Variants in CAPRIN2 observed in about 807,000 individuals in gnomAD.
The protein encoded by CAPRIN2 is caprin family member 2, also known as caprin-2.
CAPRIN2 carries 66 observed loss-of-function variants against 130.4 expected under a neutral mutation model. That is an observed-to-expected ratio of 0.51 (90% CI 0.42 to 0.62). The LOEUF (loss-of-function observed/expected upper bound fraction) is 0.62. Ranked by LOEUF, CAPRIN2 falls within the 20% of genes least tolerant of loss-of-function variation. The pLI, the probability that CAPRIN2 is intolerant of heterozygous loss-of-function variation, is 0.00. For missense variants in CAPRIN2, 1,185 were observed against 1,246.6 expected, an observed-to-expected ratio of 0.95 and a Z score of 0.74; for synonymous variants, 471 against 444.1, an observed-to-expected ratio of 1.06 and a Z score of -0.76.
In CAPRIN2 at chr12:30,731,514, A is replaced by C; in HGVS notation, c.893-4T>G. On this transcript the variant is annotated splice_region_variant and splice_polypyrimidine_tract_variant and intron_variant, in intron 5 of 16. Transcript: ENST00000298892. The stretch of plus-strand genomic sequence containing the variant: ...AGTAGATCCTTCAAGTGTTTGTCTA[A>C]GAAAGAGTGATTAAGACTTAATTGT... 2 of 1,609,106 alleles carry C rather than the reference A, an allele frequency of 1.2e-6. No homozygotes were observed. Among genetic ancestry groups the C allele is most frequent in the Non-Finnish European group, 1.7e-6 (2 of 1,177,474 alleles).
chr12:30,746,148 T>C (rs950652386), intron 2 of CAPRIN2, among the ~76,000 whole-genome samples: 2 of 152,104 alleles, frequency 1.3e-5, no homozygotes, highest in African/African-American at 2.4e-5. Flanking sequence ...AACAAAAGAA[T>C]TGGTGAATGA....
chr12:30,719,596 G>T, intron 12 of CAPRIN2: 3 of 160,650 alleles, frequency 1.9e-5, no homozygotes, highest in Non-Finnish European at 2.7e-5. Context: ...TGGATTAGTT[G>T]TTTAGTGTTA....
rs749130322 is a variant in CAPRIN2, at chr12:30,731,328, G to C, written c.1060+15C>G. On this transcript the variant is annotated intron_variant, in intron 6 of 16. Transcript: ENST00000298892. ...AATGCAACCACTATAAGGATTTTCAGAGGTCACAACAAACCTGACTCTTTG... is the reference window on the plus strand; with the variant it reads ...AATGCAACCACTATAAGGATTTTCACAGGTCACAACAAACCTGACTCTTTG... 57 of 1,606,214 alleles carry C rather than the reference G, an allele frequency of 3.5e-5. No homozygotes were observed. The highest frequency in any genetic ancestry group is 1.0e-4 in the Admixed American group (6 of 59,322).
intron 6 of CAPRIN2, 97 bp from the exon 8 acceptor site, chr12:30,730,379 ACTCGT>A: frequency 9.3e-6 from 8 of 858,398 alleles, no homozygotes; most frequent in Admixed American, 6.0e-5. Context: ...ATTTCAGAAG[ACTCGT>A]AACAGAAAAA....
intron 11 of CAPRIN2, among the ~76,000 whole-genome samples, chr12:30,721,165 A>G (rs781415800): frequency 1.3e-4 from 20 of 152,202 alleles, no homozygotes; most frequent in Non-Finnish European, 2.5e-4. Context: ...TCATACTACA[A>G]TTAAGTGGCA....
At position 30,716,502 on chromosome 12, in the gene CAPRIN2, T is replaced by C. The variant is rs752219767; in HGVS notation, c.2317+6A>G. On this transcript the variant is annotated splice_donor_region_variant and intron_variant, in intron 13 of 16. Transcript: ENST00000298892. Reference sequence around the variant, plus strand: ...GTCTTCCAAATATCATATGCAAAGATCTTACCAGTCTCTTGAGAATGGACA... The same window carrying C: ...GTCTTCCAAATATCATATGCAAAGACCTTACCAGTCTCTTGAGAATGGACA... The C allele has an allele frequency of 3.1e-6, 5 of 1,612,694 alleles. No individual in the cohort carries two copies. The highest frequency in any genetic ancestry group is 4.2e-6 in the Non-Finnish European group (5 of 1,178,884).
intron 3 of CAPRIN2, among the ~76,000 whole-genome samples, chr12:30,736,994 A>C (rs2065129027): frequency 6.6e-6 from 1 of 152,002 alleles, no homozygotes. Flanking sequence ...TCCCCTATCA[A>C]AGTATTTTTG....
intron 2 of CAPRIN2, 143 bp downstream of exon 3, chr12:30,750,928 A>G: frequency 1.5e-6 from 1 of 665,574 alleles, no homozygotes; most frequent in Non-Finnish European, 2.6e-6. Flanking sequence ...CACAAACAAC[A>G]AAGTCTTCTG....
chr12:30,723,071 T>C (rs2059870856), intron 11 of CAPRIN2, among the ~76,000 whole-genome samples, 188 bp downstream of exon 12: 2 of 152,232 alleles, frequency 1.3e-5, no homozygotes, highest in African/African-American at 4.8e-5. Context: ...CTGTACTATA[T>C]GTTTTCAGCA....
At chr12:30,726,903 T>G (rs1737748245) in intron 8 of CAPRIN2, among the ~76,000 whole-genome samples, 1 of 152,154 alleles carries the variant, frequency 6.6e-6, no homozygotes, top group Non-Finnish European at 1.5e-5. Context: ...TAGTCAATAT[T>G]CTAGACAGCT....
chr12:30,734,002 AGT>A (rs1422195957), intron 4 of CAPRIN2, among the ~76,000 whole-genome samples: 1 of 152,250 alleles, frequency 6.6e-6, no homozygotes, highest in East Asian at 1.9e-4. Flanking sequence ...CAGTATCATT[AGT>A]TCAGGTGTAT....
Position 30,724,457 on chromosome 12 carries a change from G to T in CAPRIN2, c.1906-6C>A, listed in dbSNP as rs7299800. On this transcript the variant is annotated splice_region_variant and splice_polypyrimidine_tract_variant and intron_variant, in intron 9 of 16. Transcript: ENST00000298892. The stretch of plus-strand genomic sequence containing the variant: ...TCAAAGTCAAGAACAGACTCCTAAA[G>T]ATATGATTTTAAATAAAGAGTGGAA... 0.31 allele frequency: 491,822 copies of T among 1,576,202 alleles called. 78,985 individuals are homozygous for T. Among genetic ancestry groups the T allele is most frequent in the Middle Eastern group, 0.35 (2,112 of 5,972 alleles).
intron 12 of CAPRIN2, among the ~76,000 whole-genome samples, chr12:30,716,970 A>G (rs1185296369): frequency 1.3e-5 from 2 of 152,186 alleles, no homozygotes; most frequent in Non-Finnish European, 2.9e-5. Context: ...AGGAACTGGA[A>G]CCCTCATGCA....
chr12:30,724,939 A>C (rs2060470285), intron 9 of CAPRIN2, among the ~76,000 whole-genome samples: 1 of 152,184 alleles, frequency 6.6e-6, no homozygotes, highest in South Asian at 2.1e-4. Context: ...GGCTGCAGTG[A>C]GCTTTGACCA....
chr12:30,746,760 C>G (rs2070685475), intron 2 of CAPRIN2, among the ~76,000 whole-genome samples: 1 of 152,184 alleles, frequency 6.6e-6, no homozygotes, highest in African/African-American at 2.4e-5. Context: ...CTAGCAGAAG[C>G]TGGTTCATGA....
intron 12 of CAPRIN2, 198 bp downstream of exon 13, chr12:30,720,613 C>A: frequency 6.4e-6 from 3 of 471,468 alleles, no homozygotes; most frequent in East Asian, 3.4e-5. Flanking sequence ...AAGGCAATAC[C>A]ATATTAAATC....
chr12:30,747,737 T>A (rs1242336018), intron 2 of CAPRIN2, among the ~76,000 whole-genome samples: 2 of 151,704 alleles, frequency 1.3e-5, no homozygotes, highest in African/African-American at 4.8e-5. Flanking sequence ...TAGATAGTGA[T>A]TTGTCTAATA....
chr12:30,719,896 T>C (rs977783477), intron 12 of CAPRIN2: 1 of 152,148 alleles, frequency 6.6e-6, no homozygotes, highest in African/African-American at 2.4e-5. Context: ...AAACTAAGGA[T>C]TATCTATATT....
rs1259834456 is a variant in CAPRIN2 at position 30,710,735 on chromosome 12, A to C, written c.2666-265T>G. Among the ~76,000 whole-genome samples, 4 of 152,216 alleles carry C rather than the reference A, an allele frequency of 2.6e-5. No homozygotes were observed. Among genetic ancestry groups the C allele is most frequent in the Non-Finnish European group, 2.9e-5 (2 of 68,036 alleles). On this transcript the variant is annotated intron_variant, in intron 16 of 16. Coordinates refer to ENST00000298892, the Ensembl canonical transcript of CAPRIN2. The surrounding 1 kb of genome is among the most constrained non-coding windows in gnomAD (Gnocchi z 4.8). ...GAAAATGTGGCCCCCAAAAGGCCAG[A>C]TAACTTAGCAAAGTCTAAAACTCAG...
Sources: allele counts gnomAD v4.1 joint callset (sites outside exome capture counted in the v4.1 genomes callset), GRCh38; gene constraint gnomAD v4.1.1; non-coding constraint Gnocchi (gnomAD v3.1); transcripts MANE v1.5; gene names NCBI Gene and HGNC (gene_info 2026-07-23, HGNC 2026-07-21).